AGBL1: variants seen among roughly 807,000 people sequenced by gnomAD.
AGBL1 encodes the protein cytosolic carboxypeptidase 4.
AGBL1 carries 130 observed loss-of-function variants against 118.9 expected under a neutral mutation model. The observed-to-expected ratio is 1.09, with a 90% CI of 0.95 to 1.26. The LOEUF is 1.26. Among genes scored for constraint, AGBL1 ranks in the 50% most tolerant of loss-of-function variants. The pLI, the probability that AGBL1 is intolerant of heterozygous loss-of-function variation, is 0.00. For synonymous variants in AGBL1, 555 were observed against 478.9 expected (o/e 1.16, Z -2.08); for missense variants, 1,584 against 1,298.1 (o/e 1.22, Z -3.38).
chr15:86,814,101 C>G (rs1323020996), intron 22 of AGBL1, among the ~76,000 whole-genome samples: 1 of 152,118 alleles, frequency 6.6e-6, no homozygotes, highest in Non-Finnish European at 1.5e-5. Flanking sequence ...GGTCCATGGC[C>G]TATTAGGAAG....
chr15:86,546,236 T>G (rs77647675), intron 20 of AGBL1, 103 bp downstream of exon 20: 1 of 1,237,082 alleles, frequency 8.1e-7, no homozygotes, highest in Non-Finnish European at 1.1e-6. Context: ...TTTTTTTTTT[T>G]GTAAATAAGC....
At chr15:86,461,234 TC>T (rs1217236743) in intron 18 of AGBL1, among the ~76,000 whole-genome samples, 3 of 152,104 alleles carry the variant, frequency 2.0e-5, no homozygotes, top group African/African-American at 4.8e-5. Context: ...CTCTAGAAAG[TC>T]CTGCAACCAC....
At chr15:86,972,374 T>C (rs76202708) in intron 23 of AGBL1, among the ~76,000 whole-genome samples, 5,841 of 152,170 alleles carry the variant, frequency 0.038, 389 homozygotes, top group African/African-American at 0.13. Flanking sequence ...GAGGAAATAG[T>C]GGCACCTGTT....
intron 24 of AGBL1, among the ~76,000 whole-genome samples, chr15:87,017,266 T>A (rs1777869056): frequency 6.6e-6 from 1 of 151,970 alleles, no homozygotes; most frequent in African/African-American, 2.4e-5. Flanking sequence ...ACAGCACAAT[T>A]CTGCTACCAA....
At chr15:86,301,066 A>G (rs763831932) in intron 17 of AGBL1, among the ~76,000 whole-genome samples, 9 of 152,250 alleles carry the variant, frequency 5.9e-5, no homozygotes, top group Non-Finnish European at 1.0e-4. Context: ...AAGCCTCCTG[A>G]TCAGGTGTGA....
At chr15:86,243,426 C>T (rs1042592221) in intron 6 of AGBL1, among the ~76,000 whole-genome samples, 1 of 152,092 alleles carries the variant, frequency 6.6e-6, no homozygotes, top group Non-Finnish European at 1.5e-5. Context: ...AAGTCAGGCC[C>T]TTGGAGGATA....
chr15:86,712,281 A>C (rs1242181248), intron 22 of AGBL1, among the ~76,000 whole-genome samples: 3 of 152,148 alleles, frequency 2.0e-5, no homozygotes, highest in Non-Finnish European at 4.4e-5. Flanking sequence ...TCGTTTTGTA[A>C]GTTTGTTGAG....
At chr15:86,752,962 T>C (rs1382428022) in intron 22 of AGBL1, among the ~76,000 whole-genome samples, 1 of 152,050 alleles carries the variant, frequency 6.6e-6, no homozygotes, top group Non-Finnish European at 1.5e-5. Flanking sequence ...AACCAGTCAA[T>C]TTATCTTTCC....
At chr15:87,003,368 G>A (rs1354055475) in intron 24 of AGBL1, among the ~76,000 whole-genome samples, 1 of 148,768 alleles carries the variant, frequency 6.7e-6, no homozygotes, top group African/African-American at 2.4e-5. Context: ...TGTGCTGCTG[G>A]ATTTGGTTTG....
intron 17 of AGBL1, among the ~76,000 whole-genome samples, chr15:86,354,460 C>G (rs1030967335): frequency 5.9e-5 from 9 of 152,112 alleles, no homozygotes; most frequent in African/African-American, 2.2e-4. Context: ...AGAAAAGGAC[C>G]AGGGATTGAA....
intron 21 of AGBL1, among the ~76,000 whole-genome samples, chr15:86,657,440 C>G (rs16977892): frequency 0.093 from 14,129 of 152,184 alleles, 1,449 homozygotes; most frequent in African/African-American, 0.24. Flanking sequence ...GGCAGAACCA[C>G]TGTGTGTGGG....
At chr15:86,228,815 G>C (rs1296282590) in intron 6 of AGBL1, among the ~76,000 whole-genome samples, 1 of 152,176 alleles carries the variant, frequency 6.6e-6, no homozygotes, top group Non-Finnish European at 1.5e-5. Flanking sequence ...GTCTCTTTCT[G>C]GGCAATAGCA....
chr15:86,543,761 C>T (rs887247338), intron 19 of AGBL1, among the ~76,000 whole-genome samples: 2 of 152,230 alleles, frequency 1.3e-5, no homozygotes, highest in Non-Finnish European at 2.9e-5. Flanking sequence ...AGGCATCTCA[C>T]AATGCCTGGA....
At chr15:86,181,499 T>C (rs1597503850) in intron 5 of AGBL1, among the ~76,000 whole-genome samples, 2 of 151,946 alleles carry the variant, frequency 1.3e-5, no homozygotes, top group South Asian at 4.1e-4. Flanking sequence ...AATGGCTGTC[T>C]GGAGATGGGG....
chr15:86,615,124 G>A lies in AGBL1; in HGVS notation c.2995-59149G>A, dbSNP rs1390491095. ...TGAGTGACACATTAAGCAGCATGTT[G>A]AGGGTGATGGAGAGTCACTGAAGAA... On this transcript the variant is annotated intron_variant, in intron 21 of 22. Coordinates refer to ENST00000614907, the MANE Select transcript of AGBL1 (RefSeq NM_001386094.1). This position sits in a 1 kb window ranked among gnomAD's most constrained non-coding sequence, Gnocchi z 4.3. Among the ~76,000 whole-genome samples the A allele has an allele frequency of 1.3e-5, 2 of 152,204 alleles. No homozygotes were observed. The highest frequency in any genetic ancestry group is 2.9e-5 in the Non-Finnish European group (2 of 68,034).
intron 22 of AGBL1, among the ~76,000 whole-genome samples, chr15:86,694,680 A>G (rs1567126185): frequency 6.6e-6 from 1 of 152,096 alleles, no homozygotes; most frequent in Non-Finnish European, 1.5e-5. Context: ...TCCAGTTCTC[A>G]AAGGGAACAT....
chr15:86,666,226 T>C (rs1175826713), intron 21 of AGBL1, among the ~76,000 whole-genome samples: 1 of 152,166 alleles, frequency 6.6e-6, no homozygotes, highest in Non-Finnish European at 1.5e-5. Flanking sequence ...GGTCCTAGGA[T>C]TTATCACATA....
At chr15:86,717,445 C>T (rs1399094795) in intron 22 of AGBL1, among the ~76,000 whole-genome samples, 3 of 152,068 alleles carry the variant, frequency 2.0e-5, no homozygotes, top group Admixed American at 2.0e-4. Context: ...AGGAAGGACT[C>T]CACCAAGACC....
intron 5 of AGBL1, among the ~76,000 whole-genome samples, chr15:86,208,762 A>G (rs554360123): frequency 2.0e-5 from 3 of 151,354 alleles, no homozygotes; most frequent in East Asian, 1.9e-4. Flanking sequence ...GATGTTTTCA[A>G]AAAAACAGCT....
Sources: gnomAD v4.1 joint callset for allele counts (sites outside exome capture counted in the v4.1 genomes callset) on GRCh38, gnomAD v4.1.1 for gene constraint, Gnocchi (gnomAD v3.1) non-coding constraint, MANE v1.5 for transcripts, NCBI Gene and HGNC (gene_info 2026-07-23, HGNC 2026-07-21) for gene names.